Variants in NUTM1 observed in about 807,000 individuals in gnomAD.
NUTM1 encodes the protein NUT midline carcinoma family member 1.
A neutral mutation model predicts 88.7 loss-of-function variants in NUTM1; 39 were observed. The observed-to-expected ratio is 0.44, with a 90% CI of 0.34 to 0.57. NUTM1 has a LOEUF of 0.57. Among genes scored for constraint, NUTM1 ranks in the 20% least tolerant of loss-of-function variants. The pLI is 0.01. For missense variants in NUTM1, 1,350 were observed against 1,414.5 expected (o/e 0.95, Z 0.73); for synonymous variants, 494 against 538.0 (o/e 0.92, Z 1.13).
rs200050614 is a variant in NUTM1, at chr15:34,355,017, C to A, written c.1363-4C>A. The stretch of plus-strand genomic sequence containing the variant: ...CTTACATCGCTTTTCCTTCTGTTAT[C>A]CAGGTGGAGGCTGTCATTCACCCTC... On this transcript the variant is annotated splice_region_variant and splice_polypyrimidine_tract_variant and intron_variant, in intron 6 of 7. Transcript: ENST00000537011. This position sits in a 1 kb window ranked among gnomAD's most constrained non-coding sequence, Gnocchi z 4.3. 98 of 1,601,180 alleles carry A rather than the reference C, an allele frequency of 6.1e-5. No individual in the cohort carries two copies. Among genetic ancestry groups the A allele is most frequent in the Non-Finnish European group, 8.2e-5 (96 of 1,168,302 alleles).
In NUTM1 at chr15:34,355,720, C is replaced by G; in HGVS notation, c.1712C>G (p.Ala571Gly). The change falls in exon 8 of 8, where the codon GCC becomes GGC. Residue 571 changes from alanine (A) to glycine (G), a missense_variant. By Grantham distance (60) the Ala-to-Gly change is moderately conservative (BLOSUM62 0). Coordinates refer to ENST00000537011, the MANE Select transcript of NUTM1 (RefSeq NM_001284292.2). The surrounding 1 kb of genome is among the most constrained non-coding windows in gnomAD (Gnocchi z 4.3). ...AREVHGGQEQ[A>G]LDSPRGMHRD... ...GAAGTGCATGGTGGGCAGGAGCAAG[C>G]CCTAGATAGCCCCAGAGGGATGCAC... 1.2e-6 allele frequency: 2 copies of G among 1,612,996 alleles called. No individual in the cohort carries two copies. The highest frequency in any genetic ancestry group is 1.7e-6 in the Non-Finnish European group (2 of 1,179,442).
intron 2 of NUTM1, among the ~76,000 whole-genome samples, chr15:34,347,262 C>CT (rs55955824): frequency 0.42 from 61,205 of 144,764 alleles, 14,498 homozygotes; most frequent in Non-Finnish European, 0.55. Context: ...TACAATTTTT[C>CT]TTTTTTTTTT....
At position 34,355,689 on chromosome 15, in the gene NUTM1, G is replaced by T. The variant is rs756752810; in HGVS notation, c.1681G>T (p.Ala561Ser). ...AAAGGTTTCTTCTTCAGGAAAACGGGCAAGAGAAGTGCATGGTGGGCAGGA... is the reference window on the plus strand; with the variant it reads ...AAAGGTTTCTTCTTCAGGAAAACGGTCAAGAGAAGTGCATGGTGGGCAGGA... ...LGKVSSSGKR[A>S]REVHGGQEQA... The change falls in exon 8 of 8, where the codon GCA (alanine) becomes TCA (serine). Residue 561 changes from alanine (A) to serine (S), a missense_variant. By Grantham distance (99) the Ala-to-Ser change is moderately conservative (BLOSUM62 1). This residue lies in a region of NUTM1 where 730 missense variants were observed against 728.8 expected (regional missense o/e 1.00). Transcript: ENST00000537011. This position sits in a 1 kb window ranked among gnomAD's most constrained non-coding sequence, Gnocchi z 4.3. 2 of 1,609,436 alleles carry T rather than the reference G, an allele frequency of 1.2e-6. No homozygotes were observed. Among genetic ancestry groups the T allele is most frequent in the South Asian group, 2.2e-5 (2 of 90,708 alleles).
chr15:34,357,700 G>A lies in NUTM1; in HGVS notation c.*209G>A. 1.2e-6 allele frequency: 1 copy of A among 850,466 alleles called. No individual in the cohort carries two copies. Among genetic ancestry groups the A allele is most frequent in the Non-Finnish European group, 1.9e-6 (1 of 530,004 alleles). 52.7% of individuals were successfully genotyped at this position (850,466 alleles called of 1,614,324 possible). On this transcript the variant is annotated 3_prime_UTR_variant, in exon 8 of 8. Transcript: ENST00000537011. ...AATTACCTTTGGAAGGAGCTATATAGAAAAAAAATGAATAAAGTGTTTTGT... is the reference window on the plus strand; with the variant it reads ...AATTACCTTTGGAAGGAGCTATATAAAAAAAAAATGAATAAAGTGTTTTGT...
In NUTM1 at chr15:34,357,208, C is replaced by T. The variant is rs746053255; in HGVS notation, c.3200C>T (p.Pro1067Leu). ...TCACCAAGGGAGCATCCCCTCAGTCCTCACCATGCCTCAGGAGGTCAGGGC... is the reference window on the plus strand; with the variant it reads ...TCACCAAGGGAGCATCCCCTCAGTCTTCACCATGCCTCAGGAGGTCAGGGC... ...SLSPREHPLS[P>L]HHASGGQGSQ... Residue 1067 changes from proline to leucine, a missense_variant, in exon 8 of 8, where the codon CCT becomes CTT. Physicochemically the swap from Pro to Leu is moderately conservative, Grantham distance 98. This residue lies in a region of NUTM1 where 730 missense variants were observed against 728.8 expected (regional missense o/e 1.00). Coordinates refer to ENST00000537011, the MANE Select transcript of NUTM1 (RefSeq NM_001284292.2). The T allele has an allele frequency of 6.2e-7, 1 of 1,614,176 alleles. No homozygotes were observed. The highest frequency in any genetic ancestry group is 1.1e-5 in the South Asian group (1 of 91,092).
At chr15:34,345,670 G>T (rs534859919) in intron 1 of NUTM1, among the ~76,000 whole-genome samples, 1 of 152,204 alleles carries the variant, frequency 6.6e-6, no homozygotes, top group Non-Finnish European at 1.5e-5. Context: ...GAACCAAACG[G>T]TAAAACTGTA....
In NUTM1 at chr15:34,356,518, T is replaced by C. The variant is rs753019599; in HGVS notation, c.2510T>C (p.Leu837Ser). Residue 837 changes from leucine (L) to serine (S), a missense_variant, in exon 8 of 8, where the codon TTG becomes TCG. Around this residue, in one of 5 missense-constraint regions of NUTM1, gnomAD observed 730 missense variants for 728.8 expected, o/e 1.00. Coordinates refer to ENST00000537011, the MANE Select transcript of NUTM1 (RefSeq NM_001284292.2). Reference sequence around the variant, plus strand: ...AACTATTGCAGCTTGCCAGGACCTTTGAGGGCCAACAGCCCACCCTTGAGG... The same window carrying C: ...AACTATTGCAGCTTGCCAGGACCTTCGAGGGCCAACAGCCCACCCTTGAGG... Reference protein sequence around the residue: ...KRNYCSLPGPLRANSPPLRSK... With the variant: ...KRNYCSLPGPSRANSPPLRSK... The C allele has an allele frequency of 1.2e-6, 2 of 1,613,994 alleles. No individual in the cohort carries two copies. Among genetic ancestry groups the C allele is most frequent in the Admixed American group, 3.3e-5 (2 of 60,002 alleles).
At position 34,348,374 on chromosome 15, in the gene NUTM1, C is replaced by T. The variant is rs1566888320; in HGVS notation, c.506C>T (p.Thr169Ile). The T allele has an allele frequency of 3.7e-6, 6 of 1,614,144 alleles. No homozygotes were observed. Among genetic ancestry groups the T allele is most frequent in the Non-Finnish European group, 5.1e-6 (6 of 1,180,046 alleles). ...PPFVTASNVK[T>I]ILPSKAVGVS... ...TTTGTGACAGCATCTAATGTGAAGA[C>T]CATTCTGCCCTCTAAGGCTGTTGGT... The change falls in exon 3 of 8, where the codon ACC (threonine) becomes ATC (isoleucine). Residue 169 changes from threonine to isoleucine, a missense_variant. By Grantham distance (89) the Thr-to-Ile change is moderately conservative (BLOSUM62 -1). Around this residue, in one of 5 missense-constraint regions of NUTM1, gnomAD observed 399 missense variants for 397.9 expected, o/e 1.00. Transcript: ENST00000537011.
Position 34,356,381 on chromosome 15 carries a change from C to T in NUTM1, c.2373C>T (p.Gly791=). The part of the protein sequence containing the change: ...TEYQEGCQGL[G]SRGNISLGPG... The stretch of plus-strand genomic sequence containing the variant: ...ATCAGGAAGGCTGCCAGGGACTGGG[C>T]TCCAGGGGCAACATTTCCCTGGGTC... Residue 791 remains glycine, a synonymous_variant, in exon 8 of 8, where the codon GGC becomes GGT. Coordinates refer to ENST00000537011, the MANE Select transcript of NUTM1 (RefSeq NM_001284292.2). 6.2e-7 allele frequency: 1 copy of T among 1,612,910 alleles called. No homozygotes were observed. The highest frequency in any genetic ancestry group is 8.5e-7 in the Non-Finnish European group (1 of 1,179,500).
At chr15:34,351,562 T>A (rs1890710612) in intron 4 of NUTM1, among the ~76,000 whole-genome samples, 1 of 152,000 alleles carries the variant, frequency 6.6e-6, no homozygotes, top group South Asian at 2.1e-4. Flanking sequence ...AGCCTTGATA[T>A]TGTAGGTCTT....
At chr15:34,352,877 C>CTTTT (rs778786955) in intron 4 of NUTM1, among the ~76,000 whole-genome samples, 1 of 52,850 alleles carries the variant, frequency 1.9e-5, no homozygotes, top group African/African-American at 6.9e-5. Flanking sequence ...TCATTCTTAA[C>CTTTT]TTTTTTTTTT....
Position 34,343,585 on chromosome 15 carries a change from T to C in NUTM1, c.-112T>C, listed in dbSNP as rs1307356255. The C allele has an allele frequency of 6.5e-7, 1 of 1,534,518 alleles. No individual in the cohort carries two copies. Among genetic ancestry groups the C allele is most frequent in the Non-Finnish European group, 8.7e-7 (1 of 1,146,154 alleles). On this transcript the variant is annotated 5_prime_UTR_variant, in exon 1 of 8. Transcript: ENST00000537011. The stretch of plus-strand genomic sequence containing the variant: ...AAAGAATGCATGTTGAGTATCAATA[T>C]TCCGTAAAGCGAAAGAGCGTAAAGT...
Position 34,355,831 on chromosome 15 carries a change from G to T in NUTM1, c.1823G>T (p.Gly608Val). 2 of 1,614,162 alleles carry T rather than the reference G, an allele frequency of 1.2e-6. No homozygotes were observed. Among genetic ancestry groups the T allele is most frequent in the Non-Finnish European group, 1.7e-6 (2 of 1,180,040 alleles). Reference sequence around the variant, plus strand: ...CCACAGGGAACTCCGGGACCCTTGGGTGTGGAGAGGAGAGGGTCTGGGAAG... The same window carrying T: ...CCACAGGGAACTCCGGGACCCTTGGTTGTGGAGAGGAGAGGGTCTGGGAAG... The part of the protein sequence containing the change: ...AAPQGTPGPL[G>V]VERRGSGKVI... The change falls in exon 8 of 8, where the codon GGT (glycine) becomes GTT (valine). Residue 608 changes from glycine (G) to valine (V), a missense_variant. Physicochemically the swap from Gly to Val is moderately radical, Grantham distance 109 (BLOSUM62 -3). This residue lies in a region of NUTM1 where 730 missense variants were observed against 728.8 expected (regional missense o/e 1.00). Coordinates refer to ENST00000537011, the MANE Select transcript of NUTM1 (RefSeq NM_001284292.2). This position sits in a 1 kb window ranked among gnomAD's most constrained non-coding sequence, Gnocchi z 4.3.
chr15:34,349,976 C>A (rs1890676832), intron 3 of NUTM1, among the ~76,000 whole-genome samples: 1 of 152,180 alleles, frequency 6.6e-6, no homozygotes, highest in African/African-American at 2.4e-5. Context: ...GCAGTCCAGA[C>A]CACTGCAACA....
Position 34,355,892 on chromosome 15 carries a change from T to A in NUTM1, c.1884T>A (p.His628Gln), listed in dbSNP as rs1890797116. The change falls in exon 8 of 8, where the codon CAT (histidine) becomes CAA (glutamine). Residue 628 changes from histidine to glutamine, a missense_variant. By Grantham distance (24) the His-to-Gln change is conservative. Coordinates refer to ENST00000537011, the MANE Select transcript of NUTM1 (RefSeq NM_001284292.2). The surrounding 1 kb of genome is among the most constrained non-coding windows in gnomAD (Gnocchi z 4.3). ...INQVSLHQDG[H>Q]LGGAGPPGHC... ...AGGTATCTCTACATCAGGATGGCCATCTAGGAGGCGCTGGGCCTCCTGGGC... is the reference window on the plus strand; with the variant it reads ...AGGTATCTCTACATCAGGATGGCCAACTAGGAGGCGCTGGGCCTCCTGGGC... 3 of 1,613,728 alleles carry A rather than the reference T, an allele frequency of 1.9e-6. No homozygotes were observed. Among genetic ancestry groups the A allele is most frequent in the Non-Finnish European group, 2.5e-6 (3 of 1,179,948 alleles).
chr15:34,347,998 A>C lies in NUTM1; in HGVS notation c.130A>C (p.Met44Leu), dbSNP rs372242826. ...TGCATTGCCGGGACCGGATATGAGCATGAAACCTAGTGCCGCCCCGTCTCC... is the reference window on the plus strand; with the variant it reads ...TGCATTGCCGGGACCGGATATGAGCCTGAAACCTAGTGCCGCCCCGTCTCC... Reference protein sequence around the residue: ...ASALPGPDMSMKPSAAPSPSP... With the variant: ...ASALPGPDMSLKPSAAPSPSP... Residue 44 changes from methionine (M) to leucine (L), a missense_variant, in exon 3 of 8, where the codon ATG (methionine) becomes CTG (leucine). Physicochemically the swap from Met to Leu is conservative, Grantham distance 15. This residue lies in a region of NUTM1 where 399 missense variants were observed against 397.9 expected (regional missense o/e 1.00). Coordinates refer to ENST00000537011, the MANE Select transcript of NUTM1 (RefSeq NM_001284292.2). 6.2e-7 allele frequency: 1 copy of C among 1,613,268 alleles called. No homozygotes were observed. The highest frequency in any genetic ancestry group is 2.2e-5 in the East Asian group (1 of 44,868).
At chr15:34,353,648 T>A in intron 4 of NUTM1, 88 bp from the exon 5 acceptor site, 1 of 1,535,696 alleles carries the variant, frequency 6.5e-7, no homozygotes, top group South Asian at 1.2e-5. Flanking sequence ...GAGCACTTCC[T>A]TTCTTGGCCA....
Position 34,345,366 on chromosome 15 carries a change from C to T in NUTM1, c.7-576C>T, listed in dbSNP as rs529136562. Among the ~76,000 whole-genome samples, 10 of 152,324 alleles carry T rather than the reference C, an allele frequency of 6.6e-5. No homozygotes were observed. In the East Asian group the frequency reaches 1.5e-3, roughly 23 times the overall value. ...TGAGGCTTTTCAGCAAAGGGTAAGG[C>T]GTCTGTGGAGTACAGAGCCTATGTT... On this transcript the variant is annotated intron_variant, in intron 1 of 7. Transcript: ENST00000537011.
At chr15:34,349,585 C>CGA (rs1890670487) in intron 3 of NUTM1, among the ~76,000 whole-genome samples, 1 of 152,152 alleles carries the variant, frequency 6.6e-6, no homozygotes, top group Non-Finnish European at 1.5e-5. Context: ...TCTTCCCTTC[C>CGA]CACCCAGACC....
Sources: allele counts gnomAD v4.1 joint callset (sites outside exome capture counted in the v4.1 genomes callset), GRCh38; gene constraint gnomAD v4.1.1; regional missense constraint gnomAD v4.1.1; non-coding constraint Gnocchi (gnomAD v3.1); transcripts MANE v1.5; gene names NCBI Gene and HGNC (gene_info 2026-07-23, HGNC 2026-07-21).